TMEM233: variants seen among roughly 807,000 people sequenced by gnomAD.
TMEM233 encodes the protein dispanin subfamily B member 2.
Under a neutral mutation model 11.2 loss-of-function variants are expected in TMEM233, and 6 were observed. The observed-to-expected ratio is 0.54, with a 90% confidence interval of 0.29 to 1.06. The LOEUF is 1.06. Ranked by LOEUF, TMEM233 falls within the 50% of genes least tolerant of loss-of-function variation. TMEM233 has a pLI of 0.08. For missense variants in TMEM233, 127 were observed against 144.7 expected (o/e 0.88, Z 0.63); for synonymous variants, 59 against 55.8 (o/e 1.06, Z -0.26).
chr12:119,639,900 T>A (rs1566116169), intron 2 of TMEM233, among the ~76,000 whole-genome samples: 1 of 152,204 alleles, frequency 6.6e-6, no homozygotes, highest in African/African-American at 2.4e-5. Context: ...GTGCCCAGCA[T>A]GTAAATAAGC....
intron 1 of TMEM233, among the ~76,000 whole-genome samples, chr12:119,616,130 T>C (rs1297029725): frequency 1.3e-5 from 2 of 152,196 alleles, no homozygotes; most frequent in Non-Finnish European, 2.9e-5. Context: ...CACTCTTCTA[T>C]CAAAGTGTGG....
At chr12:119,623,018 C>A (rs1954674713) in intron 1 of TMEM233, among the ~76,000 whole-genome samples, 1 of 152,130 alleles carries the variant, frequency 6.6e-6, no homozygotes, top group Admixed American at 6.6e-5. Context: ...GTGGCTTGCA[C>A]CCAAATCCCC....
At position 119,595,288 on chromosome 12, in the gene TMEM233, A is replaced by G. The variant is rs1954017657; in HGVS notation, c.186+1254A>G. Among the ~76,000 whole-genome samples the G allele has an allele frequency of 6.6e-6, 1 of 152,172 alleles. No homozygotes were observed. The highest frequency in any genetic ancestry group is 6.5e-5 in the Admixed American group (1 of 15,282). On this transcript the variant is annotated intron_variant, in intron 1 of 2. Transcript: ENST00000426426. This position sits in a 1 kb window ranked among gnomAD's most constrained non-coding sequence, Gnocchi z 4.3. Reference sequence around the variant, plus strand: ...GGCTCACCTCGCCTGCAGCTGGGCCACGGAACTCCCCGGCCACAGACGCAG... The same window carrying G: ...GGCTCACCTCGCCTGCAGCTGGGCCGCGGAACTCCCCGGCCACAGACGCAG...
At chr12:119,613,712 G>T (rs1194888664) in intron 1 of TMEM233, among the ~76,000 whole-genome samples, 1 of 152,196 alleles carries the variant, frequency 6.6e-6, no homozygotes, top group East Asian at 1.9e-4. Context: ...CTACTCTGGA[G>T]GCTGAGGCTG....
chr12:119,640,567 A>G, intron 2 of TMEM233, 132 bp from the exon 3 acceptor site: 1 of 949,530 alleles, frequency 1.1e-6, no homozygotes, highest in Non-Finnish European at 1.6e-6. Context: ...GTGTGCACGC[A>G]GGCTGGTACA....
chr12:119,603,981 T>C (rs369863611), intron 1 of TMEM233, among the ~76,000 whole-genome samples: 7 of 152,208 alleles, frequency 4.6e-5, no homozygotes, highest in African/African-American at 1.7e-4. Flanking sequence ...GGCCAAGTCT[T>C]GGTTCACAAG....
intron 1 of TMEM233, among the ~76,000 whole-genome samples, chr12:119,617,746 C>G (rs530727040): frequency 8.5e-5 from 13 of 152,124 alleles, no homozygotes; most frequent in African/African-American, 3.1e-4. Context: ...GGCAAGAGAA[C>G]TGCTTGAATC....
At chr12:119,603,083 C>T (rs1235613309) in intron 1 of TMEM233, among the ~76,000 whole-genome samples, 11 of 151,582 alleles carry the variant, frequency 7.3e-5, no homozygotes, top group East Asian at 1.9e-4. Flanking sequence ...GATAAAACCC[C>T]GTCCCTACAA....
At chr12:119,613,461 G>C in intron 1 of TMEM233, among the ~76,000 whole-genome samples, 1 of 152,144 alleles carries the variant, frequency 6.6e-6, no homozygotes, top group Non-Finnish European at 1.5e-5. Flanking sequence ...AGAGCACAAA[G>C]GAAATAAATC....
At chr12:119,628,372 G>C (rs571960833) in intron 1 of TMEM233, among the ~76,000 whole-genome samples, 6 of 152,034 alleles carry the variant, frequency 3.9e-5, no homozygotes, top group Admixed American at 1.3e-4. Context: ...TGTTGGCCAG[G>C]ATGGTCTTGA....
the TMEM233 span, among the ~76,000 whole-genome samples, chr12:119,651,869 A>T: frequency 6.6e-6 from 1 of 150,940 alleles, no homozygotes; most frequent in Non-Finnish European, 1.5e-5. Flanking sequence ...AGTAAACAGT[A>T]GCTCTTAGAA....
At chr12:119,597,697 G>A (rs1954074920) in intron 1 of TMEM233, among the ~76,000 whole-genome samples, 1 of 152,200 alleles carries the variant, frequency 6.6e-6, no homozygotes, top group Non-Finnish European at 1.5e-5. Flanking sequence ...GGGGTTAGGA[G>A]GTGGCACACT....
intron 1 of TMEM233, among the ~76,000 whole-genome samples, chr12:119,603,484 C>A (rs909561322): frequency 3.9e-5 from 6 of 152,132 alleles, no homozygotes; most frequent in Admixed American, 3.3e-4. Context: ...TTGAAGAATA[C>A]CTTCAAATAA....
rs532433089 is a variant in TMEM233, at chr12:119,602,915, A to G, written c.186+8881A>G. On this transcript the variant is annotated intron_variant, in intron 1 of 2. Coordinates refer to ENST00000426426, the MANE Select transcript of TMEM233 (RefSeq NM_001136534.3). ...TATGGGAACATGGGGATTTTATTAT[A>G]TTACCCTGTCAAACTGTGTATACAT... Among the ~76,000 whole-genome samples, 154 of 152,234 alleles carry G rather than the reference A, an allele frequency of 1.0e-3. 1 individual carries two copies. The highest frequency in any genetic ancestry group is 3.4e-3 in the Middle Eastern group (1 of 294).
downstream of TMEM233, among the ~76,000 whole-genome samples, chr12:119,643,851 TAG>T (rs1955117076): frequency 6.6e-6 from 1 of 151,634 alleles, no homozygotes; most frequent in Non-Finnish European, 1.5e-5. Flanking sequence ...GCAGAAAAAG[TAG>T]AGTTTACCCT....
chr12:119,594,320 A>C lies in TMEM233; in HGVS notation c.186+286A>C. ...GCTCCCAGGGTGCGTTTCCTCTCCA[A>C]CCCGGGGAAGTTCTTCCGTGGACTT... On this transcript the variant is annotated intron_variant, in intron 1 of 2. Transcript: ENST00000426426. This position sits in a 1 kb window ranked among gnomAD's most constrained non-coding sequence, Gnocchi z 5.6. 5 of 379,386 alleles carry C rather than the reference A, an allele frequency of 1.3e-5. No individual in the cohort carries two copies. The highest frequency in any genetic ancestry group is 8.6e-5 in the South Asian group (2 of 23,214). 23.5% of individuals were successfully genotyped at this position (379,386 alleles called of 1,614,324 possible). A position where few individuals can be genotyped will look rare whatever the true frequency, so the allele number is the denominator to read the frequency against.
chr12:119,609,882 C>T (rs1954360626), intron 1 of TMEM233, among the ~76,000 whole-genome samples: 1 of 152,180 alleles, frequency 6.6e-6, no homozygotes, highest in Non-Finnish European at 1.5e-5. Context: ...TCAGAGCCCC[C>T]CACAGAGTCC....
At chr12:119,648,876 G>A in the TMEM233 span, among the ~76,000 whole-genome samples, 1 of 152,168 alleles carries the variant, frequency 6.6e-6, no homozygotes, top group Non-Finnish European at 1.5e-5. Context: ...GAATTTTAAA[G>A]CAAGATGAAG....
chr12:119,616,419 G>A (rs926766364), intron 1 of TMEM233, among the ~76,000 whole-genome samples: 4 of 152,212 alleles, frequency 2.6e-5, no homozygotes, highest in Non-Finnish European at 4.4e-5. Flanking sequence ...AAAATACTTT[G>A]CAGGATGAAG....
Sources: allele counts gnomAD v4.1 joint callset (sites outside exome capture counted in the v4.1 genomes callset), GRCh38; gene constraint gnomAD v4.1.1; non-coding constraint Gnocchi (gnomAD v3.1); transcripts MANE v1.5; gene names NCBI Gene and HGNC (gene_info 2026-07-23, HGNC 2026-07-21).